PIK3C3: variants seen among roughly 807,000 people sequenced by gnomAD.
PIK3C3 encodes the protein PI3-kinase type 3.
A neutral mutation model predicts 126.1 loss-of-function variants in PIK3C3; 95 were observed. The observed-to-expected ratio is 0.75, with a 90% CI of 0.64 to 0.89. PIK3C3 has a LOEUF of 0.89. Ranked by LOEUF, PIK3C3 falls within the 40% of genes least tolerant of loss-of-function variation. The pLI is 0.00. For synonymous variants in PIK3C3, 374 were observed against 360.0 expected, an observed-to-expected ratio of 1.04 and a Z score of -0.44; for missense variants, 829 against 1,063.2, an observed-to-expected ratio of 0.78 and a Z score of 3.06.
chr18:42,064,639 G>A (rs928991176), intron 22 of PIK3C3, 101 bp from the exon 23 acceptor site: 2 of 636,106 alleles, frequency 3.1e-6, no homozygotes, highest in Middle Eastern at 4.3e-4. Flanking sequence ...AGTAATCACT[G>A]TAGAAATCCA....
intron 21 of PIK3C3, among the ~76,000 whole-genome samples, chr18:42,053,226 G>A (rs890357345): frequency 1.1e-4 from 17 of 152,144 alleles, no homozygotes; most frequent in African/African-American, 4.1e-4. Context: ...ATGATTCGCT[G>A]CATATAGAGA....
chr18:41,999,842 T>A (rs1027176349), intron 9 of PIK3C3, among the ~76,000 whole-genome samples: 6 of 151,982 alleles, frequency 3.9e-5, no homozygotes, highest in Non-Finnish European at 8.8e-5. Context: ...TTGATAGCAT[T>A]TTTTATTTGG....
rs143660541 is a variant in PIK3C3, at chr18:42,010,082, T to C, written c.1171-3360T>C. 2.3e-3 allele frequency among the ~76,000 whole-genome samples: 349 copies of C among 152,330 alleles called. 1 individual carries two copies. The highest frequency in any genetic ancestry group is 7.7e-3 in the African/African-American group (319 of 41,572). ...TTCCACAGTAGAACTTCTTTCAAAA[T>C]TGAAGTCAGTCCTCCCTCTCAAATA... On this transcript the variant is annotated intron_variant, in intron 10 of 24. Coordinates refer to ENST00000262039, the MANE Select transcript of PIK3C3 (RefSeq NM_002647.4).
rs1324719426 is a variant in PIK3C3, at chr18:42,006,787, C to G, written c.1170+2246C>G. Among the ~76,000 whole-genome samples, 4 of 148,898 alleles carry G rather than the reference C, an allele frequency of 2.7e-5. No homozygotes were observed. In the East Asian group the frequency reaches 5.9e-4, roughly 22 times the overall value. ...TCTTTTATAGGCTGTTGTTCCCATTCTTTTCCTGTAACTGTATTTTAGTGA... is the reference window on the plus strand; with the variant it reads ...TCTTTTATAGGCTGTTGTTCCCATTGTTTTCCTGTAACTGTATTTTAGTGA... On this transcript the variant is annotated intron_variant, in intron 10 of 24. Transcript: ENST00000262039.
At chr18:42,037,906 G>C in intron 17 of PIK3C3, 86 bp downstream of exon 17, 1 of 1,216,538 alleles carries the variant, frequency 8.2e-7, no homozygotes, top group South Asian at 1.5e-5. Flanking sequence ...TGGAACAGAA[G>C]TATTTGTAAC....
chr18:41,996,116 A>G, intron 8 of PIK3C3, 122 bp downstream of exon 8: 2 of 676,162 alleles, frequency 3.0e-6, no homozygotes, highest in South Asian at 1.8e-5. Flanking sequence ...GATGAATCCT[A>G]CATCATGTTC....
At chr18:42,050,267 A>G (rs1984743371) in intron 21 of PIK3C3, 1 of 152,222 alleles carries the variant, frequency 6.6e-6, no homozygotes, top group African/African-American at 2.4e-5. Flanking sequence ...TCACTTTAAT[A>G]TCTACCTTTA....
At chr18:42,075,918 G>A (rs1985953468) in intron 24 of PIK3C3, among the ~76,000 whole-genome samples, 1 of 149,022 alleles carries the variant, frequency 6.7e-6, no homozygotes, top group Admixed American at 6.7e-5. Context: ...CTGTTCTCTA[G>A]TGTAGTCACC....
At chr18:42,014,207 CA>C (rs58086258) in intron 11 of PIK3C3, among the ~76,000 whole-genome samples, 160 of 40,984 alleles carry the variant, frequency 3.9e-3, no homozygotes, top group African/African-American at 8.1e-3. Flanking sequence ...GACTCCGTCT[CA>C]AAAAAAAAAA....
intron 13 of PIK3C3, 166 bp from the exon 14 acceptor site, chr18:42,027,277 C>CT (rs201143144): frequency 2.6e-6 from 1 of 379,710 alleles, no homozygotes; most frequent in African/African-American, 2.1e-5. Flanking sequence ...ATGTGTTCCT[C>CT]TTTAAGTTTT....
chr18:41,955,840 T>G (rs1006590593), intron 1 of PIK3C3, among the ~76,000 whole-genome samples: 2 of 147,856 alleles, frequency 1.4e-5, no homozygotes, highest in African/African-American at 2.6e-5. Context: ...GATAGAGGCC[T>G]AGAGTGAATC....
chr18:42,027,809 C>T (rs951119530), intron 14 of PIK3C3, among the ~76,000 whole-genome samples: 1 of 152,066 alleles, frequency 6.6e-6, no homozygotes, highest in Non-Finnish European at 1.5e-5. Flanking sequence ...CGCCCGCTAC[C>T]ATGCCCAGCT....
At chr18:42,010,282 A>G (rs1203043771) in intron 10 of PIK3C3, among the ~76,000 whole-genome samples, 2 of 152,188 alleles carry the variant, frequency 1.3e-5, no homozygotes, top group South Asian at 2.1e-4. Context: ...AGATTGCAGC[A>G]ATTCAGTCAC....
intron 24 of PIK3C3, among the ~76,000 whole-genome samples, chr18:42,069,397 A>G (rs1259856868): frequency 6.6e-6 from 1 of 152,240 alleles, no homozygotes; most frequent in Non-Finnish European, 1.5e-5. Flanking sequence ...CATCTGTGAC[A>G]AACAAGGGAC....
chr18:42,070,554 G>GC lies in PIK3C3; in HGVS notation c.2649+3043dup, dbSNP rs1985731417. 5.3e-5 allele frequency: 8 copies of GC among 152,188 alleles called. No individual in the cohort carries two copies. The South Asian group carries it at 1.5e-3, about 28-fold the overall frequency. 9.4% of individuals were successfully genotyped at this position (152,188 alleles called of 1,614,324 possible). ...GATAAAAAGTAGTAGTTTTTAGGGG[G>GC]CCATAGTATTATTTAGGGGAGCTAG... On this transcript the variant is annotated intron_variant, in intron 24 of 24. Coordinates refer to ENST00000262039, the MANE Select transcript of PIK3C3 (RefSeq NM_002647.4).
intron 12 of PIK3C3, among the ~76,000 whole-genome samples, 199 bp downstream of exon 12, chr18:42,015,765 G>A (rs1285549530): frequency 6.6e-6 from 1 of 152,016 alleles, no homozygotes; most frequent in African/African-American, 2.4e-5. Context: ...TCATTTTATT[G>A]GTGCTTTGGG....
intron 15 of PIK3C3, among the ~76,000 whole-genome samples, chr18:42,032,313 G>A (rs1015395529): frequency 2.6e-5 from 4 of 152,194 alleles, no homozygotes; most frequent in African/African-American, 9.7e-5. Flanking sequence ...TTGGGAAATG[G>A]ATGGAATTTA....
intron 3 of PIK3C3, among the ~76,000 whole-genome samples, chr18:41,966,218 G>T (rs547612763): frequency 2.4e-5 from 3 of 123,652 alleles, no homozygotes; most frequent in African/African-American, 3.3e-5. Flanking sequence ...ATTCTCTGTC[G>T]CCCTGCTGTG....
At chr18:42,043,916 T>A in intron 20 of PIK3C3, 99 bp downstream of exon 20, 1 of 745,952 alleles carries the variant, frequency 1.3e-6, no homozygotes, top group Non-Finnish European at 2.3e-6. Context: ...TGTTAATATT[T>A]AAATGCTCTA....
Sources: allele counts gnomAD v4.1 joint callset (sites outside exome capture counted in the v4.1 genomes callset), GRCh38; gene constraint gnomAD v4.1.1; transcripts MANE v1.5; gene names NCBI Gene and HGNC (gene_info 2026-07-23, HGNC 2026-07-21).